TOGARAM1: variants seen among roughly 807,000 people sequenced by gnomAD.
TOGARAM1 encodes TOG array regulator of axonemal microtubules 1.
In TOGARAM1, 100 loss-of-function variants were observed where a neutral mutation model predicts 166.6. The observed-to-expected ratio is 0.60, with a 90% confidence interval of 0.51 to 0.71. TOGARAM1 has a LOEUF of 0.71. TOGARAM1 is among the 30% of genes least tolerant of loss of function. The pLI, the probability that TOGARAM1 is intolerant of heterozygous loss-of-function variation, is 0.00. For synonymous variants in TOGARAM1, 758 were observed against 763.8 expected (o/e 0.99, Z 0.13); for missense variants, 2,029 against 2,102.7 (o/e 0.96, Z 0.69).
intron 7 of TOGARAM1, among the ~76,000 whole-genome samples, chr14:45,020,618 A>C (rs555868335): frequency 6.6e-6 from 1 of 152,096 alleles, no homozygotes; most frequent in Admixed American, 6.5e-5. Flanking sequence ...CATAGGGTGC[A>C]CTAAGAATGA....
intron 1 of TOGARAM1, among the ~76,000 whole-genome samples, chr14:44,966,066 G>C (rs1334344731): frequency 4.6e-5 from 7 of 150,848 alleles, no homozygotes; most frequent in Non-Finnish European, 7.4e-5. Flanking sequence ...GTAGAGACAG[G>C]GTTTCACCAT....
At chr14:44,978,684 G>T (rs1446072242) in intron 1 of TOGARAM1, among the ~76,000 whole-genome samples, 1 of 151,650 alleles carries the variant, frequency 6.6e-6, no homozygotes, top group Non-Finnish European at 1.5e-5. Flanking sequence ...TATAGTCCCA[G>T]CTACTTGGGA....
intron 5 of TOGARAM1, 144 bp from the exon 6 acceptor site, chr14:45,008,769 A>G: frequency 1.7e-6 from 1 of 591,082 alleles, no homozygotes; most frequent in Non-Finnish European, 2.9e-6. Context: ...TACTATATAC[A>G]TATATATTAG....
intron 7 of TOGARAM1, among the ~76,000 whole-genome samples, chr14:45,013,439 C>G (rs899595071): frequency 6.6e-6 from 1 of 152,192 alleles, no homozygotes; most frequent in African/African-American, 2.4e-5. Flanking sequence ...GTTTAGTATA[C>G]TGCCTTGCAT....
chr14:45,032,151 C>T (rs1184931891), intron 10 of TOGARAM1, 72 bp from the exon 11 acceptor site: 4 of 1,371,366 alleles, frequency 2.9e-6, no homozygotes, highest in Admixed American at 2.3e-5. Flanking sequence ...CACAGCGAGA[C>T]TCCATCTCAA....
chr14:45,005,700 TAAG>T (rs1410260637), intron 4 of TOGARAM1, among the ~76,000 whole-genome samples: 2 of 152,230 alleles, frequency 1.3e-5, no homozygotes, highest in Non-Finnish European at 2.9e-5. Flanking sequence ...GCCATTGATG[TAAG>T]ATGTTTCACC....
In TOGARAM1 at chr14:45,073,405, A is replaced by G. The variant is rs757081880; in HGVS notation, c.5166A>G (p.Gly1722=). 1.2e-6 allele frequency: 2 copies of G among 1,614,140 alleles called. No homozygotes were observed. The highest frequency in any genetic ancestry group is 4.5e-5 in the East Asian group (2 of 44,882). The change falls in exon 20 of 20, where the codon GGA becomes GGG. Residue 1722 remains glycine (G), a synonymous_variant. Coordinates refer to ENST00000361462, the MANE Select transcript of TOGARAM1 (RefSeq NM_001308120.2). ...TGACAAATAGTGGCTCTCTGCCTGG[A>G]GCTGGAGGAAATATACGAACAGCCA... is the stretch of plus-strand genomic sequence containing the variant. ...GNMTNSGSLP[G]AGGNIRTATA...
chr14:44,969,172 C>CTT (rs774045525), intron 1 of TOGARAM1, among the ~76,000 whole-genome samples: 11 of 105,266 alleles, frequency 1.0e-4, no homozygotes, highest in South Asian at 3.1e-4. Context: ...TCTTTCTTTT[C>CTT]TTTTTTTTTT....
intron 5 of TOGARAM1, chr14:45,006,901 C>T (rs1879474607): frequency 6.6e-6 from 1 of 152,042 alleles, no homozygotes; most frequent in Non-Finnish European, 1.5e-5. Flanking sequence ...ATTGTACACT[C>T]ATCTTTGAAT....
intron 11 of TOGARAM1, among the ~76,000 whole-genome samples, chr14:45,038,733 C>T (rs531734092): frequency 5.3e-5 from 8 of 152,232 alleles, no homozygotes; most frequent in Non-Finnish European, 1.0e-4. Flanking sequence ...ATGTCATGAG[C>T]GGTGGCAAAG....
rs142432436 is a variant in TOGARAM1 at position 44,972,004 on chromosome 14, G to A, written c.2046+7537G>A. Among the ~76,000 whole-genome samples, 7 of 152,238 alleles carry A rather than the reference G, an allele frequency of 4.6e-5. No individual in the cohort carries two copies. In the East Asian group the frequency reaches 7.7e-4, roughly 17 times the overall value. On this transcript the variant is annotated intron_variant, in intron 1 of 19. Transcript: ENST00000361462. ...GGAAGGAGTCACGTCTTACATGGCC[G>A]GAGAAGGAGGAAGAGAGGGCAGGAG... is the stretch of plus-strand genomic sequence containing the variant.
intron 11 of TOGARAM1, among the ~76,000 whole-genome samples, chr14:45,041,713 G>C (rs1024885716): frequency 2.0e-5 from 3 of 152,184 alleles, no homozygotes; most frequent in Non-Finnish European, 4.4e-5. Flanking sequence ...TTAGTTAATA[G>C]CCCTGCCTTA....
chr14:45,044,877 T>C lies in TOGARAM1; in HGVS notation c.4154+7T>C. On this transcript the variant is annotated splice_region_variant and intron_variant, in intron 13 of 19. Coordinates refer to ENST00000361462, the MANE Select transcript of TOGARAM1 (RefSeq NM_001308120.2). ...TTATCAATGGTGGACAAAGGTAATGTTCAAAATAACCTTGAAATGTCTTTA... is the reference window on the plus strand; with the variant it reads ...TTATCAATGGTGGACAAAGGTAATGCTCAAAATAACCTTGAAATGTCTTTA... The C allele has an allele frequency of 6.3e-7, 1 of 1,593,404 alleles. No homozygotes were observed. Among genetic ancestry groups the C allele is most frequent in the Non-Finnish European group, 8.6e-7 (1 of 1,166,072 alleles).
chr14:44,987,373 A>G (rs1486511852), intron 1 of TOGARAM1, among the ~76,000 whole-genome samples: 1 of 152,212 alleles, frequency 6.6e-6, no homozygotes, highest in Non-Finnish European at 1.5e-5. Flanking sequence ...AAGGGCTAAT[A>G]TCCAGAATCT....
intron 5 of TOGARAM1, chr14:45,006,698 A>T (rs1566628337): frequency 6.5e-6 from 1 of 152,804 alleles, no homozygotes; most frequent in Admixed American, 6.5e-5. Flanking sequence ...TACCATTTAT[A>T]TATGTCTTAT....
At chr14:45,043,370 G>A (rs768827658) in intron 11 of TOGARAM1, among the ~76,000 whole-genome samples, 11 of 151,986 alleles carry the variant, frequency 7.2e-5, no homozygotes, top group Non-Finnish European at 1.3e-4. Context: ...TAGAGACAGC[G>A]TTTCACCATG....
intron 16 of TOGARAM1, among the ~76,000 whole-genome samples, chr14:45,058,813 T>C (rs1314423556): frequency 6.6e-6 from 1 of 152,178 alleles, no homozygotes; most frequent in Non-Finnish European, 1.5e-5. Flanking sequence ...TTTTATAAAT[T>C]ATTTGTTTCT....
intron 1 of TOGARAM1, among the ~76,000 whole-genome samples, chr14:44,987,131 A>G (rs1217043900): frequency 2.6e-5 from 4 of 151,792 alleles, no homozygotes; most frequent in Admixed American, 2.6e-4. Flanking sequence ...TTTAGTAGAG[A>G]CGGGGTTTCA....
chr14:45,028,092 A>G, intron 9 of TOGARAM1, 84 bp from the exon 10 acceptor site: 3 of 1,201,150 alleles, frequency 2.5e-6, no homozygotes, highest in Non-Finnish European at 3.5e-6. Context: ...TAATATCCTC[A>G]GACACAAATT....
Sources: allele counts gnomAD v4.1 joint callset (sites outside exome capture counted in the v4.1 genomes callset), GRCh38; gene constraint gnomAD v4.1.1; transcripts MANE v1.5; gene names NCBI Gene and HGNC (gene_info 2026-07-23, HGNC 2026-07-21).